Variants in STK39 observed in about 807,000 individuals in gnomAD.
STK39 encodes serine/threonine kinase 39.
STK39 carries 20 observed loss-of-function variants against 77.8 expected under a neutral mutation model. The observed-to-expected ratio is 0.26, with a 90% CI of 0.18 to 0.37. The LOEUF (loss-of-function observed/expected upper bound fraction) is 0.37, where lower values mean the gene tolerates loss of function less well. STK39 is among the 10% of genes least tolerant of loss of function. The probability of loss-of-function intolerance (pLI) is 1.00; values close to 1 mark genes in which losing one functional copy is unlikely to be tolerated. For missense variants in STK39, 479 were observed against 656.5 expected, an observed-to-expected ratio of 0.73 and a Z score of 2.95; for synonymous variants, 246 against 234.1, an observed-to-expected ratio of 1.05 and a Z score of -0.47.
rs554986961 is a variant in STK39, at chr2:168,129,652, C to T, written c.1024-46G>A. ...ACAGTTTAACATCAAATATGATACA[C>T]ATAAATACACAGTGATTTCAAAAAT... On this transcript the variant is annotated intron_variant, in intron 9 of 17. Transcript: ENST00000355999. 1.8e-5 allele frequency: 29 copies of T among 1,613,900 alleles called. No individual in the cohort carries two copies. In the South Asian group the frequency reaches 2.7e-4, roughly 15 times the overall value.
Position 168,247,321 on chromosome 2 carries a change from C to G in STK39, c.115G>C (p.Ala39Pro). ...AAATAAPAPAAPAAPAPAPAP... is the reference protein window; with the variant it reads ...AAATAAPAPAPPAAPAPAPAP... The stretch of plus-strand genomic sequence containing the variant: ...GGGGCCGGGGCCGGGGCCGCGGGAG[C>G]TGCCGGGGCCGGCGCTGCTGTCGCG... The change falls in exon 1 of 18, where the codon GCT (alanine) becomes CCT (proline). Residue 39 changes from alanine (A) to proline (P), a missense_variant. Transcript: ENST00000355999. The G allele has an allele frequency of 9.7e-7, 1 of 1,034,742 alleles. No homozygotes were observed. The highest frequency in any genetic ancestry group is 1.2e-6 in the Non-Finnish European group (1 of 858,922). 64.1% of individuals were successfully genotyped at this position (1,034,742 alleles called of 1,614,324 possible).
At chr2:168,130,366 C>G (rs1173255253) in intron 8 of STK39, among the ~76,000 whole-genome samples, 1 of 152,226 alleles carries the variant, frequency 6.6e-6, no homozygotes, top group Non-Finnish European at 1.5e-5. Flanking sequence ...ACTTGCTTCT[C>G]TAGCCCATAT....
At chr2:168,096,191 T>G (rs1329042552) in intron 10 of STK39, among the ~76,000 whole-genome samples, 1 of 152,196 alleles carries the variant, frequency 6.6e-6, no homozygotes, top group South Asian at 2.1e-4. Context: ...AATTTAAAAT[T>G]GATTCGTGTT....
chr2:167,988,289 T>G (rs1683610928), intron 16 of STK39, among the ~76,000 whole-genome samples: 1 of 152,164 alleles, frequency 6.6e-6, no homozygotes, highest in Non-Finnish European at 1.5e-5. Context: ...AAAAGCTGAT[T>G]TTTTTCCTGC....
At chr2:168,228,796 A>G (rs1292294168) in intron 1 of STK39, among the ~76,000 whole-genome samples, 2 of 148,828 alleles carry the variant, frequency 1.3e-5, no homozygotes, top group East Asian at 4.5e-4. Context: ...CAAATAAATA[A>G]ATTAATTAAA....
At chr2:168,072,658 C>T (rs1246300182) in intron 12 of STK39, among the ~76,000 whole-genome samples, 5 of 152,364 alleles carry the variant, frequency 3.3e-5, no homozygotes, top group African/African-American at 9.6e-5. Context: ...GGACATAATA[C>T]ATATTTGCTG....
chr2:168,031,068 A>T (rs547300599), intron 14 of STK39, among the ~76,000 whole-genome samples: 1 of 152,144 alleles, frequency 6.6e-6, no homozygotes, highest in Admixed American at 6.5e-5. Flanking sequence ...TTGGGGTTAC[A>T]TGGTTCTCCA....
intron 1 of STK39, among the ~76,000 whole-genome samples, chr2:168,212,093 C>G (rs1689905112): frequency 6.6e-6 from 1 of 152,208 alleles, no homozygotes; most frequent in East Asian, 1.9e-4. Context: ...TCATCCAGAA[C>G]CTTTGTTTCT....
chr2:168,192,720 CATA>C (rs1312252292), intron 1 of STK39, among the ~76,000 whole-genome samples: 2 of 152,164 alleles, frequency 1.3e-5, no homozygotes, highest in South Asian at 2.1e-4. Context: ...TACATGTAAA[CATA>C]ATAATATAAA....
intron 8 of STK39, among the ~76,000 whole-genome samples, chr2:168,136,174 T>C (rs1016091585): frequency 3.3e-5 from 5 of 151,832 alleles, no homozygotes; most frequent in South Asian, 2.1e-4. Flanking sequence ...CGAGATCATC[T>C]TGGCCAACAG....
At chr2:168,008,412 G>A (rs1463972864) in intron 16 of STK39, among the ~76,000 whole-genome samples, 2 of 152,200 alleles carry the variant, frequency 1.3e-5, no homozygotes, top group Non-Finnish European at 2.9e-5. Flanking sequence ...ACCTGGAAAG[G>A]TGGAGATGAT....
chr2:168,216,380 CTAT>C (rs1433609004), intron 1 of STK39, among the ~76,000 whole-genome samples: 1 of 152,210 alleles, frequency 6.6e-6, no homozygotes, highest in African/African-American at 2.4e-5. Context: ...TTGAGGCCAG[CTAT>C]TTATTCTACT....
chr2:168,023,830 C>T (rs1269014891), intron 14 of STK39, among the ~76,000 whole-genome samples: 1 of 152,152 alleles, frequency 6.6e-6, no homozygotes, highest in Non-Finnish European at 1.5e-5. Flanking sequence ...GGCAACACCA[C>T]CAAGGGTCTC....
At chr2:168,087,333 C>A (rs879156467) in intron 10 of STK39, among the ~76,000 whole-genome samples, 32 of 152,216 alleles carry the variant, frequency 2.1e-4, no homozygotes, top group Admixed American at 6.5e-4. Flanking sequence ...CTGCGATGGT[C>A]AGTTCTAGTT....
chr2:168,213,221 T>C (rs148897916), intron 1 of STK39, among the ~76,000 whole-genome samples: 176 of 152,348 alleles, frequency 1.2e-3, no homozygotes, highest in African/African-American at 3.8e-3. Flanking sequence ...TGAGAAATAC[T>C]AAGTGCTAGA....
chr2:168,080,630 CA>C (rs200147022), intron 10 of STK39, among the ~76,000 whole-genome samples: 241 of 138,934 alleles, frequency 1.7e-3, no homozygotes, highest in Middle Eastern at 3.9e-3. Context: ...ACTCCTTCTC[CA>C]AAAAAAAAAA....
At chr2:168,232,344 T>C (rs1176358816) in intron 1 of STK39, 1 of 153,340 alleles carries the variant, frequency 6.5e-6, no homozygotes, top group Non-Finnish European at 1.5e-5. Context: ...TGAAGGTCAG[T>C]CATACCTCAT....
intron 5 of STK39, among the ~76,000 whole-genome samples, chr2:168,159,922 G>A (rs1289350562): frequency 6.6e-6 from 1 of 152,158 alleles, no homozygotes; most frequent in Non-Finnish European, 1.5e-5. Context: ...GAGCCCTTCT[G>A]AACTCAGCAG....
intron 16 of STK39, among the ~76,000 whole-genome samples, chr2:167,964,928 G>C (rs1380855256): frequency 6.6e-6 from 1 of 152,128 alleles, no homozygotes; most frequent in Non-Finnish European, 1.5e-5. Flanking sequence ...CAGCAATCTT[G>C]TATCTATGCA....
Sources: allele counts gnomAD v4.1 joint callset (sites outside exome capture counted in the v4.1 genomes callset), GRCh38; gene constraint gnomAD v4.1.1; transcripts MANE v1.5; gene names NCBI Gene and HGNC (gene_info 2026-07-23, HGNC 2026-07-21).